The following GPATCH1 variants were observed in gnomAD, a reference collection of about 807,000 sequenced individuals.
The protein encoded by GPATCH1 is G patch domain-containing protein 1.
GPATCH1 carries 73 observed loss-of-function variants against 114.9 expected under a neutral mutation model. The ratio of observed to expected loss-of-function variants is 0.64; its 90% CI spans 0.53 to 0.77. GPATCH1 has a LOEUF of 0.77. Among genes scored for constraint, GPATCH1 ranks in the 30% least tolerant of loss-of-function variants. GPATCH1 has a pLI of 0.00. For missense variants in GPATCH1, 1,058 were observed against 1,144.3 expected (o/e 0.92, Z 1.09); for synonymous variants, 391 against 428.4 (o/e 0.91, Z 1.08).
At chr19:33,125,610 T>G (rs1375540663) in intron 18 of GPATCH1, among the ~76,000 whole-genome samples, 2 of 151,982 alleles carry the variant, frequency 1.3e-5, no homozygotes, top group Admixed American at 6.6e-5. Flanking sequence ...GGTTTTGACC[T>G]CCTGACCTCC....
At chr19:33,083,061 AC>A (rs1341014810) in intron 1 of GPATCH1, among the ~76,000 whole-genome samples, 1 of 148,956 alleles carries the variant, frequency 6.7e-6, no homozygotes, top group Non-Finnish European at 1.5e-5. Context: ...ACACGGTGAA[AC>A]CCCGTCTCTA....
At chr19:33,125,699 C>T (rs1288201678) in intron 18 of GPATCH1, among the ~76,000 whole-genome samples, 4 of 151,990 alleles carry the variant, frequency 2.6e-5, no homozygotes, top group African/African-American at 9.7e-5. Flanking sequence ...TTTTTGTGAA[C>T]ATTAAAAAGC....
intron 2 of GPATCH1, among the ~76,000 whole-genome samples, chr19:33,088,809 A>G (rs1972563092): frequency 2.0e-5 from 3 of 151,842 alleles, no homozygotes; most frequent in Non-Finnish European, 2.9e-5. Flanking sequence ...GGCGCCTGCC[A>G]CCATGCCCAG....
At chr19:33,091,212 C>T (rs1013843217) in intron 3 of GPATCH1, among the ~76,000 whole-genome samples, 1 of 151,956 alleles carries the variant, frequency 6.6e-6, no homozygotes, top group Non-Finnish European at 1.5e-5. Flanking sequence ...GAGATCAAGA[C>T]CATCCTGGCT....
chr19:33,091,270 C>T (rs11878220), intron 3 of GPATCH1, among the ~76,000 whole-genome samples: 19,570 of 151,636 alleles, frequency 0.13, 1,560 homozygotes, highest in Admixed American at 0.28. Flanking sequence ...AAAAATTAGC[C>T]GGGTGTGGTG....
intron 1 of GPATCH1, among the ~76,000 whole-genome samples, chr19:33,083,643 C>T (rs1972504402): frequency 6.6e-6 from 1 of 152,112 alleles, no homozygotes; most frequent in Non-Finnish European, 1.5e-5. Context: ...AATCCATCTG[C>T]CTTCACCTCC....
chr19:33,122,347 C>A lies in GPATCH1; in HGVS notation c.2522-2758C>A, dbSNP rs376130843. On this transcript the variant is annotated intron_variant, in intron 17 of 19. Transcript: ENST00000170564. Reference sequence around the variant, plus strand: ...GTTTCTTTTTTTTTTTTTTTTGAGACGGAGTCTCGCTCTGTCACCCAGGCT... The same window carrying A: ...GTTTCTTTTTTTTTTTTTTTTGAGAAGGAGTCTCGCTCTGTCACCCAGGCT... 2.2e-5 allele frequency among the ~76,000 whole-genome samples: 3 copies of A among 138,398 alleles called. No individual in the cohort carries two copies. The Admixed American group carries it at 2.3e-4, about 11-fold the overall frequency. 90.8% of individuals were successfully genotyped at this position (138,398 alleles called of 152,430 possible). A position where few individuals can be genotyped will look rare whatever the true frequency, so the allele number is the denominator to read the frequency against.
intron 1 of GPATCH1, among the ~76,000 whole-genome samples, chr19:33,082,203 G>T (rs906409610): frequency 6.6e-6 from 1 of 152,160 alleles, no homozygotes; most frequent in South Asian, 2.1e-4. Flanking sequence ...GGTGGAATGT[G>T]GGGGTGAGGG....
chr19:33,093,015 C>T (rs1174110192), intron 3 of GPATCH1, among the ~76,000 whole-genome samples: 2 of 152,022 alleles, frequency 1.3e-5, no homozygotes, highest in Non-Finnish European at 2.9e-5. Flanking sequence ...ATAGTGAAAC[C>T]CCATCTATAC....
intron 5 of GPATCH1, among the ~76,000 whole-genome samples, 155 bp downstream of exon 5, chr19:33,094,424 C>T (rs75940874): frequency 0.015 from 2,223 of 152,204 alleles, 52 homozygotes; most frequent in African/African-American, 0.051. Context: ...GATCCTTCCA[C>T]GTTAGCCCCG....
intron 17 of GPATCH1, among the ~76,000 whole-genome samples, chr19:33,123,822 C>G (rs1973011045): frequency 1.3e-5 from 2 of 151,566 alleles, no homozygotes; most frequent in South Asian, 2.1e-4. Context: ...TTCACCCTTA[C>G]AAAACATCTT....
In GPATCH1 at chr19:33,109,716, G is replaced by A; in HGVS notation, c.1286-1G>A. 2 of 1,549,254 alleles carry A rather than the reference G, an allele frequency of 1.3e-6. No individual in the cohort carries two copies. The highest frequency in any genetic ancestry group is 1.7e-6 in the Non-Finnish European group (2 of 1,144,882). On this transcript the variant is annotated splice_acceptor_variant, in intron 10 of 19. Transcript: ENST00000170564. LOFTEE classifies it high-confidence loss of function. ...CTCTTCTAATTACTGTTTTTATTTAGGTTCAGCTACTTCAGTGTTAGAATT... is the reference window on the plus strand; with the variant it reads ...CTCTTCTAATTACTGTTTTTATTTAAGTTCAGCTACTTCAGTGTTAGAATT...
intron 1 of GPATCH1, among the ~76,000 whole-genome samples, chr19:33,083,939 G>A (rs10413009): frequency 0.57 from 86,124 of 151,830 alleles, 29,217 homozygotes; most frequent in East Asian, 0.99. Flanking sequence ...CCTCCCGAGT[G>A]GCTGGGATTA....
Position 33,126,733 on chromosome 19 carries a change from G to A in GPATCH1, c.2765G>A (p.Arg922Gln), listed in dbSNP as rs746378383. 1.5e-5 allele frequency: 24 copies of A among 1,607,836 alleles called. No homozygotes were observed. Among genetic ancestry groups the A allele is most frequent in the African/African-American group, 5.4e-5 (4 of 74,094 alleles). Residue 922 changes from arginine (R) to glutamine (Q), a missense_variant and splice_region_variant, in exon 19 of 20, where the codon CGG (arginine) becomes CAG (glutamine). Transcript: ENST00000170564. The stretch of plus-strand genomic sequence containing the variant: ...GTGTCGCCCCAGGAGCTGCTGAGAC[G>A]GTGGGTAGTGGGAGATGGAGGGTTT... ...ADVSPQELLR[R>Q]LKSLPLRRQ
chr19:33,096,660 G>A (rs532074918), intron 7 of GPATCH1, among the ~76,000 whole-genome samples: 13 of 151,356 alleles, frequency 8.6e-5, no homozygotes, highest in Non-Finnish European at 1.8e-4. Flanking sequence ...ACGGGGTTTC[G>A]CTCTGTTACC....
At chr19:33,107,662 C>T (rs1200106051) in intron 10 of GPATCH1, among the ~76,000 whole-genome samples, 1 of 152,068 alleles carries the variant, frequency 6.6e-6, no homozygotes, top group Non-Finnish European at 1.5e-5. Flanking sequence ...GGGCTCGGGT[C>T]TCACTGCCAT....
At chr19:33,084,654 T>C (rs1271222767) in intron 1 of GPATCH1, among the ~76,000 whole-genome samples, 3 of 139,794 alleles carry the variant, frequency 2.1e-5, no homozygotes, top group Admixed American at 7.1e-5. Context: ...GACCTTGCCC[T>C]TTTTTTTTTT....
intron 1 of GPATCH1, among the ~76,000 whole-genome samples, chr19:33,083,949 A>G (rs986665582): frequency 5.3e-5 from 8 of 152,030 alleles, no homozygotes; most frequent in African/African-American, 4.8e-5. Flanking sequence ...GGCTGGGATT[A>G]TAGGTGCCCA....
intron 5 of GPATCH1, 72 bp from the exon 6 acceptor site, chr19:33,095,690 C>A: frequency 9.8e-7 from 1 of 1,021,152 alleles, no homozygotes. Flanking sequence ...GTGTGATCCA[C>A]CGCGCCCGGC....
Sources: gnomAD v4.1 joint callset for allele counts (sites outside exome capture counted in the v4.1 genomes callset) on GRCh38, gnomAD v4.1.1 for gene constraint, MANE v1.5 for transcripts, NCBI Gene and HGNC (gene_info 2026-07-23, HGNC 2026-07-21) for gene names.